PPP1R16B: variants seen among roughly 807,000 people sequenced by gnomAD.
PPP1R16B encodes the protein protein phosphatase 1 regulatory subunit 16B, also known as protein phosphatase 1 regulatory inhibitor subunit 16B.
Under a neutral mutation model 61.7 loss-of-function variants are expected in PPP1R16B, and 14 were observed. The observed-to-expected ratio is 0.23, with a 90% CI of 0.15 to 0.35. PPP1R16B has a LOEUF of 0.35. PPP1R16B is among the 10% of genes least tolerant of loss of function. PPP1R16B has a pLI of 1.00. For synonymous variants in PPP1R16B, 266 were observed against 305.3 expected (o/e 0.87, Z 1.34); for missense variants, 547 against 752.5 (o/e 0.73, Z 3.19).
chr20:38,820,312 A>C (rs2145708712), intron 1 of PPP1R16B, among the ~76,000 whole-genome samples: 1 of 152,270 alleles, frequency 6.6e-6, no homozygotes, highest in South Asian at 2.1e-4. Context: ...TAATCCCAGC[A>C]CTTTGGGAGG....
intron 2 of PPP1R16B, among the ~76,000 whole-genome samples, chr20:38,872,209 T>A (rs1364160111): frequency 6.6e-6 from 1 of 152,200 alleles, no homozygotes; most frequent in Non-Finnish European, 1.5e-5. Context: ...ACTGTTCACC[T>A]AATGTTTATT....
At position 38,902,799 on chromosome 20, in the gene PPP1R16B, A is replaced by G. The variant is rs1451700100; in HGVS notation, c.696+7A>G. ...TGCCCAGGGTGCCACACTGGTGAGG[A>G]GATGGGCCAGTACCAAAACCAAGAC... On this transcript the variant is annotated splice_region_variant and intron_variant, in intron 6 of 10. Coordinates refer to ENST00000299824, the MANE Select transcript of PPP1R16B (RefSeq NM_015568.4). The G allele has an allele frequency of 1.2e-6, 2 of 1,613,996 alleles. No individual in the cohort carries two copies. Among genetic ancestry groups the G allele is most frequent in the African/African-American group, 2.7e-5 (2 of 74,936 alleles).
intron 4 of PPP1R16B, among the ~76,000 whole-genome samples, chr20:38,896,235 TGC>T (rs2085348339): frequency 7.6e-6 from 1 of 131,346 alleles, no homozygotes; most frequent in African/African-American, 2.9e-5. Flanking sequence ...TTTCCCTACC[TGC>T]CTCCCTCCCT....
At chr20:38,855,509 T>C (rs1408002710) in intron 2 of PPP1R16B, among the ~76,000 whole-genome samples, 1 of 152,132 alleles carries the variant, frequency 6.6e-6, no homozygotes, top group Non-Finnish European at 1.5e-5. Context: ...GACTTTCTTC[T>C]CCATTTGCTG....
chr20:38,900,465 G>A (rs904297961), intron 4 of PPP1R16B, 116 bp from the exon 5 acceptor site: 11 of 703,172 alleles, frequency 1.6e-5, no homozygotes, highest in South Asian at 1.1e-4. Flanking sequence ...CACCTTGGTG[G>A]GGTTTTGAGT....
intron 4 of PPP1R16B, among the ~76,000 whole-genome samples, chr20:38,898,263 T>A (rs1011615714): frequency 3.9e-5 from 6 of 152,244 alleles, no homozygotes; most frequent in Non-Finnish European, 8.8e-5. Context: ...CTCCATTGAA[T>A]GGCCTTGGTA....
chr20:38,889,539 A>G, intron 2 of PPP1R16B, 56 bp from the exon 3 acceptor site: 1 of 1,476,030 alleles, frequency 6.8e-7, no homozygotes, highest in Non-Finnish European at 9.5e-7. Flanking sequence ...GGGCCCCTGC[A>G]TGCCTGCACA....
At chr20:38,917,253 G>A (rs1044832793) in intron 10 of PPP1R16B, among the ~76,000 whole-genome samples, 3 of 147,972 alleles carry the variant, frequency 2.0e-5, no homozygotes, top group East Asian at 2.0e-4. Context: ...CAGAGATTGC[G>A]CCACTGCACT....
At chr20:38,821,074 T>C (rs2084770825) in intron 1 of PPP1R16B, among the ~76,000 whole-genome samples, 1 of 150,956 alleles carries the variant, frequency 6.6e-6, no homozygotes, top group Admixed American at 6.6e-5. Flanking sequence ...GCCATTCTGA[T>C]AGATTTGTAG....
chr20:38,816,097 A>T (rs917485947), intron 1 of PPP1R16B, among the ~76,000 whole-genome samples: 27 of 152,200 alleles, frequency 1.8e-4, no homozygotes, highest in African/African-American at 6.5e-4. Flanking sequence ...GAAAAAAAAA[A>T]ATAATGGAGC....
intron 3 of PPP1R16B, among the ~76,000 whole-genome samples, chr20:38,891,938 C>A (rs2867239): frequency 0.21 from 32,601 of 152,084 alleles, 3,666 homozygotes; most frequent in Middle Eastern, 0.34. Context: ...ACCAGCCACA[C>A]GCGGATCCAC....
chr20:38,865,924 G>T (rs1392369905), intron 2 of PPP1R16B, among the ~76,000 whole-genome samples: 5 of 152,040 alleles, frequency 3.3e-5, no homozygotes, highest in African/African-American at 1.2e-4. Context: ...AGGAGTTCGA[G>T]ACCAGCCTGG....
chr20:38,900,814 G>A, intron 5 of PPP1R16B, 130 bp downstream of exon 5: 1 of 599,112 alleles, frequency 1.7e-6, no homozygotes, highest in Non-Finnish European at 2.7e-6. Flanking sequence ...TGAATAGGAT[G>A]GGTCCCCATT....
intron 2 of PPP1R16B, among the ~76,000 whole-genome samples, chr20:38,871,302 C>T (rs1020171492): frequency 6.6e-6 from 1 of 152,034 alleles, no homozygotes; most frequent in Non-Finnish European, 1.5e-5. Context: ...GAATTTGGCT[C>T]CTTTTGAAAT....
At chr20:38,873,242 GA>G (rs1409311440) in intron 2 of PPP1R16B, among the ~76,000 whole-genome samples, 1 of 152,162 alleles carries the variant, frequency 6.6e-6, no homozygotes, top group Non-Finnish European at 1.5e-5. Context: ...GTTCAGCAAA[GA>G]ATTTCCCTGG....
chr20:38,905,349 GGCAAGTTAGTGCTGGCT>G (rs1283959600), intron 6 of PPP1R16B, among the ~76,000 whole-genome samples: 1 of 152,168 alleles, frequency 6.6e-6, no homozygotes, highest in Non-Finnish European at 1.5e-5. Context: ...ACACATGGCT[GGCAAGTTAGTGCTGGCT>G]GTTGGCAGGA....
chr20:38,893,867 G>A (rs1275026581), intron 3 of PPP1R16B, among the ~76,000 whole-genome samples: 1 of 152,090 alleles, frequency 6.6e-6, no homozygotes, highest in African/African-American at 2.4e-5. Flanking sequence ...CGGTCTCTAG[G>A]GGTTGGATTT....
chr20:38,902,049 C>A (rs892813048), intron 5 of PPP1R16B, among the ~76,000 whole-genome samples: 1 of 152,158 alleles, frequency 6.6e-6, no homozygotes, highest in Non-Finnish European at 1.5e-5. Flanking sequence ...GATCTTTTTA[C>A]GGAGCATGTC....
intron 2 of PPP1R16B, among the ~76,000 whole-genome samples, chr20:38,864,940 C>T (rs1325255389): frequency 3.9e-5 from 6 of 152,190 alleles, no homozygotes; most frequent in Non-Finnish European, 4.4e-5. Flanking sequence ...AGCATGGCCT[C>T]CTTCTGGCTG....
Sources: gnomAD v4.1 joint callset for allele counts (sites outside exome capture counted in the v4.1 genomes callset) on GRCh38, gnomAD v4.1.1 for gene constraint, MANE v1.5 for transcripts, NCBI Gene and HGNC (gene_info 2026-07-23, HGNC 2026-07-21) for gene names.